Variants in ABCA12 observed in about 807,000 individuals in gnomAD.
ABCA12 encodes glucosylceramide transporter ABCA12.
A neutral mutation model predicts 293.5 loss-of-function variants in ABCA12; 156 were observed. The ratio of observed to expected loss-of-function variants is 0.53; its 90% CI spans 0.47 to 0.61. The LOEUF is 0.61. Ranked by LOEUF, ABCA12 falls within the 20% of genes least tolerant of loss-of-function variation. ABCA12 has a pLI of 0.00. For missense variants in ABCA12, 2,797 were observed against 3,090.2 expected (o/e 0.91, Z 2.25); for synonymous variants, 1,063 against 1,108.0 (o/e 0.96, Z 0.81).
At chr2:215,078,754 G>A (rs1701881904) in intron 2 of ABCA12, among the ~76,000 whole-genome samples, 1 of 152,094 alleles carries the variant, frequency 6.6e-6, no homozygotes, top group Non-Finnish European at 1.5e-5. Flanking sequence ...AAAAACACAA[G>A]GTTCATAGTG....
intron 28 of ABCA12, 145 bp downstream of exon 28, chr2:214,986,397 C>T (rs1382223552): frequency 5.8e-5 from 51 of 878,886 alleles, no homozygotes; most frequent in Non-Finnish European, 8.8e-5. Context: ...TGACTCCATT[C>T]TATAGCATAC....
At chr2:215,078,701 T>C (rs993751248) in intron 2 of ABCA12, among the ~76,000 whole-genome samples, 1 of 152,150 alleles carries the variant, frequency 6.6e-6, no homozygotes, top group African/African-American at 2.4e-5. Flanking sequence ...ACAAGAAAAC[T>C]ATAACTGTTT....
At chr2:215,049,926 A>C (rs902274992) in intron 5 of ABCA12, 115 bp from the exon 6 acceptor site, 12 of 869,270 alleles carry the variant, frequency 1.4e-5, no homozygotes, top group Non-Finnish European at 2.2e-5. Context: ...GAGGTCCTCC[A>C]TTATAGCAGC....
chr2:215,038,028 G>A (rs183351442), intron 7 of ABCA12, among the ~76,000 whole-genome samples: 163 of 152,066 alleles, frequency 1.1e-3, no homozygotes, highest in Middle Eastern at 3.4e-3. Flanking sequence ...CACTTTCATG[G>A]CATTCTATAA....
chr2:214,973,544 A>G (rs1051253549), intron 36 of ABCA12, among the ~76,000 whole-genome samples: 3 of 152,114 alleles, frequency 2.0e-5, no homozygotes, highest in African/African-American at 7.2e-5. Context: ...TTAGAGACAC[A>G]TGGAGTTCTG....
intron 23 of ABCA12, among the ~76,000 whole-genome samples, chr2:214,991,392 T>C (rs1364943722): frequency 6.6e-6 from 1 of 152,220 alleles, no homozygotes; most frequent in Non-Finnish European, 1.5e-5. Flanking sequence ...GATTTTGACA[T>C]TTATGCAGGC....
intron 1 of ABCA12, among the ~76,000 whole-genome samples, chr2:215,122,851 T>C (rs935277789): frequency 1.3e-5 from 2 of 152,198 alleles, no homozygotes; most frequent in African/African-American, 4.8e-5. Flanking sequence ...GGGTATTACA[T>C]GTGTAATGGT....
chr2:215,000,216 C>A (rs755470457), intron 22 of ABCA12, among the ~76,000 whole-genome samples: 2 of 152,174 alleles, frequency 1.3e-5, no homozygotes, highest in Non-Finnish European at 2.9e-5. Flanking sequence ...TCAGGTAGCA[C>A]AATATTTATC....
intron 3 of ABCA12, among the ~76,000 whole-genome samples, chr2:215,056,943 C>T (rs1363416601): frequency 6.6e-6 from 1 of 152,062 alleles, no homozygotes; most frequent in Non-Finnish European, 1.5e-5. Flanking sequence ...CTTCCTGTTA[C>T]TTCACACAAG....
intron 8 of ABCA12, among the ~76,000 whole-genome samples, chr2:215,036,521 G>A (rs1700993670): frequency 6.6e-6 from 1 of 152,044 alleles, no homozygotes; most frequent in African/African-American, 2.4e-5. Context: ...TTCTAGATAT[G>A]CCAAAGGGAC....
chr2:214,992,859 T>C (rs1020937947), intron 23 of ABCA12, among the ~76,000 whole-genome samples: 5 of 151,968 alleles, frequency 3.3e-5, no homozygotes, highest in African/African-American at 1.2e-4. Context: ...AAGAGTGAAA[T>C]TCTGTCTCAA....
intron 30 of ABCA12, among the ~76,000 whole-genome samples, chr2:214,981,772 T>G (rs1699662862): frequency 7.1e-6 from 1 of 141,734 alleles, no homozygotes; most frequent in African/African-American, 2.6e-5. Flanking sequence ...TTTTTTTTTT[T>G]TTTTTTTTTT....
In ABCA12 at chr2:214,949,106, A is replaced by G; in HGVS notation, c.6896T>C (p.Ile2299Thr). 2.5e-6 allele frequency: 4 copies of G among 1,613,866 alleles called. No homozygotes were observed. ...LGVNGAGKTT[I>T]FKMLTGDIIP... ...GATGTCTCCTGTCAGCATCTTGAATATAGTGGTCTTTCCTGCTCCATTCAC... is the reference window on the plus strand; with the variant it reads ...GATGTCTCCTGTCAGCATCTTGAATGTAGTGGTCTTTCCTGCTCCATTCAC... Residue 2299 changes from isoleucine (I) to threonine (T), a missense_variant, in exon 46 of 53, where the codon ATA becomes ACA. This residue lies in a region of ABCA12 where 2,130 missense variants were observed against 2,427.0 expected (regional missense o/e 0.88). Coordinates refer to ENST00000272895, the MANE Select transcript of ABCA12 (RefSeq NM_173076.3).
At chr2:215,110,572 C>G (rs1035999283) in intron 2 of ABCA12, among the ~76,000 whole-genome samples, 1 of 152,172 alleles carries the variant, frequency 6.6e-6, no homozygotes, top group Non-Finnish European at 1.5e-5. Context: ...ATTGTTTATT[C>G]TAGCACCAAC....
intron 19 of ABCA12, among the ~76,000 whole-genome samples, chr2:215,005,909 T>C (rs1308119280): frequency 1.3e-5 from 2 of 152,224 alleles, no homozygotes; most frequent in African/African-American, 2.4e-5. Flanking sequence ...ATTACCAATA[T>C]ACTAATTTTA....
chr2:214,977,012 TAAG>T (rs1699532416), intron 33 of ABCA12, among the ~76,000 whole-genome samples: 1 of 152,196 alleles, frequency 6.6e-6, no homozygotes, highest in Non-Finnish European at 1.5e-5. Context: ...ATTTAGCTGA[TAAG>T]AAAAAATACA....
At chr2:215,027,083 G>A (rs916015790) in intron 9 of ABCA12, 145 bp from the exon 10 acceptor site, 13 of 622,436 alleles carry the variant, frequency 2.1e-5, no homozygotes, top group South Asian at 3.5e-5. Flanking sequence ...GGTGGCTCAC[G>A]CCTGTAATCC....
rs188365625 is a variant in ABCA12, at chr2:215,030,476, C to T, written c.1061+1345G>A. On this transcript the variant is annotated intron_variant, in intron 9 of 52. Coordinates refer to ENST00000272895, the MANE Select transcript of ABCA12 (RefSeq NM_173076.3). Reference sequence around the variant, plus strand: ...AAAATTAGCCAGGCGTGGTGGCAAGCGCCTGTAGTCCCAGCTACTTGGGAG... The same window carrying T: ...AAAATTAGCCAGGCGTGGTGGCAAGTGCCTGTAGTCCCAGCTACTTGGGAG... 4.9e-3 allele frequency among the ~76,000 whole-genome samples: 744 copies of T among 151,404 alleles called. 6 individuals carry two copies. The highest frequency in any genetic ancestry group is 0.017 in the African/African-American group (695 of 41,280).
Position 215,085,123 on chromosome 2 carries a change from AC to A in ABCA12, c.164-20905del, listed in dbSNP as rs945149558. Among the ~76,000 whole-genome samples the A allele has an allele frequency of 3.3e-4, 50 of 151,934 alleles. 1 individual carries two copies. Among genetic ancestry groups the A allele is most frequent in the African/African-American group, 1.2e-3 (49 of 41,354 alleles). The stretch of plus-strand genomic sequence containing the variant: ...AAAAAAAAACAGAAAAAACAAACAA[AC>A]AAAAAACACATTGTTGACTAAAATG... On this transcript the variant is annotated intron_variant, in intron 2 of 52. Coordinates refer to ENST00000272895, the MANE Select transcript of ABCA12 (RefSeq NM_173076.3).
Sources: gnomAD v4.1 joint callset for allele counts (sites outside exome capture counted in the v4.1 genomes callset) on GRCh38, gnomAD v4.1.1 for gene constraint, gnomAD v4.1.1 regional missense constraint, MANE v1.5 for transcripts, NCBI Gene and HGNC (gene_info 2026-07-23, HGNC 2026-07-21) for gene names.